GRID1: variants seen among roughly 807,000 people sequenced by gnomAD.
The protein encoded by GRID1 is glutamate ionotropic receptor delta type subunit 1.
In GRID1, 28 loss-of-function variants were observed where a neutral mutation model predicts 98.0. The observed-to-expected ratio is 0.29, with a 90% confidence interval of 0.21 to 0.39. The LOEUF is 0.39. GRID1 is among the 10% of genes least tolerant of loss of function. GRID1 has a pLI of 1.00. For missense variants in GRID1, 1,111 were observed against 1,340.5 expected (o/e 0.83, Z 2.67); for synonymous variants, 553 against 538.5 (o/e 1.03, Z -0.37).
intron 4 of GRID1, among the ~76,000 whole-genome samples, chr10:85,981,307 T>G (rs1316898274): frequency 1.3e-5 from 2 of 152,174 alleles, no homozygotes; most frequent in Non-Finnish European, 2.9e-5. Context: ...TTGGTTTTGC[T>G]CTATTTTATG....
At chr10:85,945,831 G>T (rs1053449597) in intron 4 of GRID1, among the ~76,000 whole-genome samples, 1 of 152,086 alleles carries the variant, frequency 6.6e-6, no homozygotes, top group African/African-American at 2.4e-5. Context: ...CAGATATAAG[G>T]GCTTTAAATT....
At chr10:86,183,639 G>T (rs373733617) in intron 3 of GRID1, among the ~76,000 whole-genome samples, 7 of 152,234 alleles carry the variant, frequency 4.6e-5, no homozygotes, top group African/African-American at 1.2e-4. Context: ...GATTACAGGC[G>T]TGAGCCACCA....
chr10:85,928,373 T>C (rs1841804442), intron 4 of GRID1, among the ~76,000 whole-genome samples: 1 of 152,206 alleles, frequency 6.6e-6, no homozygotes, highest in Admixed American at 6.5e-5. Flanking sequence ...AGGGCTTCAC[T>C]CAGGCAAAAG....
At chr10:86,220,934 G>T (rs2132029158) in intron 2 of GRID1, among the ~76,000 whole-genome samples, 1 of 152,320 alleles carries the variant, frequency 6.6e-6, no homozygotes, top group South Asian at 2.1e-4. Flanking sequence ...TGGAAAAGTG[G>T]ATACAGGTGC....
chr10:86,190,993 G>A (rs945122596), intron 3 of GRID1, among the ~76,000 whole-genome samples: 2 of 152,176 alleles, frequency 1.3e-5, no homozygotes, highest in African/African-American at 4.8e-5. Context: ...TGCACATATT[G>A]TGTGTGTGAG....
chr10:86,292,202 CA>C (rs1030708409), intron 2 of GRID1, among the ~76,000 whole-genome samples: 13 of 152,336 alleles, frequency 8.5e-5, no homozygotes, highest in Middle Eastern at 6.8e-3. Flanking sequence ...GGAGAAGCCA[CA>C]AGGGCGCCAC....
chr10:85,857,464 G>C (rs533018762), intron 6 of GRID1, among the ~76,000 whole-genome samples: 205 of 152,054 alleles, frequency 1.3e-3, no homozygotes, highest in Middle Eastern at 3.4e-3. Flanking sequence ...GAGCCCAATG[G>C]GGGAGAAGGA....
intron 8 of GRID1, among the ~76,000 whole-genome samples, chr10:85,735,177 A>G (rs2132665153): frequency 6.6e-6 from 1 of 152,312 alleles, no homozygotes; most frequent in East Asian, 1.9e-4. Flanking sequence ...TACAGGATCG[A>G]TGAATTTATG....
chr10:85,793,664 C>T (rs1032996101), intron 8 of GRID1, among the ~76,000 whole-genome samples: 7 of 152,186 alleles, frequency 4.6e-5, no homozygotes, highest in Middle Eastern at 3.4e-3. Flanking sequence ...TTACAAGGTA[C>T]GGCACATACA....
chr10:85,744,676 C>A (rs1242988178), intron 8 of GRID1, among the ~76,000 whole-genome samples: 35 of 81,098 alleles, frequency 4.3e-4, no homozygotes, highest in African/African-American at 1.9e-3. Flanking sequence ...GACTTCATGT[C>A]CAAAACACCA....
intron 4 of GRID1, among the ~76,000 whole-genome samples, chr10:86,112,837 G>A (rs1011968622): frequency 1.3e-5 from 2 of 152,210 alleles, no homozygotes; most frequent in African/African-American, 4.8e-5. Flanking sequence ...CTCCCTGTGA[G>A]CCTGGCCATG....
intron 8 of GRID1, among the ~76,000 whole-genome samples, chr10:85,825,872 T>C (rs1386667359): frequency 6.6e-6 from 1 of 152,066 alleles, no homozygotes; most frequent in Non-Finnish European, 1.5e-5. Flanking sequence ...TTTTCAAATA[T>C]ATATAAATTT....
At chr10:85,972,610 C>T (rs960056939) in intron 4 of GRID1, among the ~76,000 whole-genome samples, 1 of 151,846 alleles carries the variant, frequency 6.6e-6, no homozygotes, top group African/African-American at 2.4e-5. Flanking sequence ...ATTGGCTACA[C>T]AATAGTCTAT....
chr10:86,123,888 T>C (rs1349391842), intron 4 of GRID1, among the ~76,000 whole-genome samples: 1 of 152,178 alleles, frequency 6.6e-6, no homozygotes, highest in Non-Finnish European at 1.5e-5. Context: ...CCTGCGAACT[T>C]GCTCTGTGAG....
At chr10:85,606,278 C>T (rs1229697590) in intron 15 of GRID1, 2 of 152,196 alleles carry the variant, frequency 1.3e-5, no homozygotes, top group African/African-American at 4.8e-5. Flanking sequence ...CGTGTCAAGA[C>T]ACACAGAAAG....
At chr10:85,823,330 G>T (rs1035716792) in intron 8 of GRID1, among the ~76,000 whole-genome samples, 3 of 151,816 alleles carry the variant, frequency 2.0e-5, no homozygotes, top group East Asian at 3.9e-4. Context: ...TCAAGTTATT[G>T]AAAAATCCAT....
At chr10:85,613,685 G>A (rs757778548) in intron 14 of GRID1, 38 bp from the exon 15 acceptor site, 42 of 1,590,058 alleles carry the variant, frequency 2.6e-5, no homozygotes, top group Admixed American at 1.4e-4. Flanking sequence ...AGCCACTGAC[G>A]TCATCAACTC....
intron 4 of GRID1, among the ~76,000 whole-genome samples, chr10:85,991,565 C>A (rs1842680588): frequency 6.6e-6 from 1 of 151,746 alleles, no homozygotes; most frequent in African/African-American, 2.4e-5. Context: ...GAAAGAGGAG[C>A]CTGCGAAGGA....
intron 4 of GRID1, among the ~76,000 whole-genome samples, chr10:86,063,415 G>T (rs1204601629): frequency 6.6e-6 from 1 of 152,182 alleles, no homozygotes; most frequent in Non-Finnish European, 1.5e-5. Flanking sequence ...GGCCCAGAGA[G>T]AGCAGCCTGC....
Sources: gnomAD v4.1 joint callset for allele counts (sites outside exome capture counted in the v4.1 genomes callset) on GRCh38, gnomAD v4.1.1 for gene constraint, MANE v1.5 for transcripts, NCBI Gene and HGNC (gene_info 2026-07-23, HGNC 2026-07-21) for gene names.